Variants in ZC3H12B observed in about 807,000 individuals in gnomAD.
ZC3H12B encodes the protein zinc finger CCCH-type containing 12B, also known as probable ribonuclease ZC3H12B.
ZC3H12B carries 7 observed loss-of-function variants against 43.9 expected under a neutral mutation model. The observed-to-expected ratio is 0.16, with a 90% confidence interval of 0.09 to 0.30. The LOEUF is 0.30. Ranked by LOEUF, ZC3H12B falls within the 10% of genes least tolerant of loss-of-function variation. ZC3H12B has a pLI of 1.00. For missense variants in ZC3H12B, 475 were observed against 670.2 expected (o/e 0.71, Z 3.22); for synonymous variants, 222 against 241.7 (o/e 0.92, Z 0.76).
At chrX:65,410,316 A>C (rs974515383) in intron 3 of ZC3H12B, among the ~76,000 whole-genome samples, 1 of 111,827 alleles carries the variant, frequency 8.9e-6, no homozygotes, top group Non-Finnish European at 1.9e-5. Flanking sequence ...AGTCAAATCC[A>C]CATTGATTAA....
At chrX:65,416,191 G>A in intron 3 of ZC3H12B, among the ~76,000 whole-genome samples, 1 of 111,595 alleles carries the variant, frequency 9.0e-6, no homozygotes, top group South Asian at 3.8e-4. Context: ...TGGGAGAGGG[G>A]CAGGATTGAG....
chrX:65,059,761 A>G, the ZC3H12B span, among the ~76,000 whole-genome samples: 1 of 111,954 alleles, frequency 8.9e-6, no homozygotes, highest in Admixed American at 9.5e-5. Flanking sequence ...TTATGTGAAG[A>G]ATGTCATTGG....
chrX:65,175,167 T>C, the ZC3H12B span, among the ~76,000 whole-genome samples: 5,067 of 111,109 alleles, frequency 0.046, 284 homozygotes, highest in African/African-American at 0.15. Flanking sequence ...CCAGGTGAGG[T>C]GACACCCCAC....
chrX:65,081,862 G>A, the ZC3H12B span, among the ~76,000 whole-genome samples: 1 of 111,623 alleles, frequency 9.0e-6, no homozygotes, highest in Non-Finnish European at 1.9e-5. Context: ...TCATTCTCAA[G>A]GATAGACCAT....
At chrX:65,053,878 AT>A in the ZC3H12B span, among the ~76,000 whole-genome samples, 1 of 111,536 alleles carries the variant, frequency 9.0e-6, no homozygotes, top group Non-Finnish European at 1.9e-5. Context: ...GCATTTTTTC[AT>A]GTGTCTTTTG....
At chrX:65,212,217 T>C in the ZC3H12B span, among the ~76,000 whole-genome samples, 3 of 36,592 alleles carry the variant, frequency 8.2e-5, no homozygotes, top group Non-Finnish European at 1.1e-4. Context: ...TATAATATAT[T>C]ATATATTATA....
At chrX:65,185,025 C>T in the ZC3H12B span, 9 of 111,363 alleles carry the variant, frequency 8.1e-5, no homozygotes, top group African/African-American at 2.6e-4. Context: ...GTTTTGAAGA[C>T]CTTCAATTTT....
the ZC3H12B span, chrX:65,271,502 A>T: frequency 8.9e-6 from 1 of 112,413 alleles, no homozygotes; most frequent in Non-Finnish European, 1.9e-5. Context: ...GTTGGTTTCA[A>T]TTGTTGATCT....
chrX:65,296,230 C>T, the ZC3H12B span, among the ~76,000 whole-genome samples: 1 of 111,411 alleles, frequency 9.0e-6, no homozygotes, highest in African/African-American at 3.3e-5. Flanking sequence ...GAATTGGAGA[C>T]TCATTTTAAG....
In ZC3H12B at chrX:65,433,171, G is replaced by T. The variant is rs188408052; in HGVS notation, n.407+34467G>T. Among the ~76,000 whole-genome samples, 67 of 112,621 alleles carry T rather than the reference G, an allele frequency of 5.9e-4. 1 individual carries two copies. In the East Asian group the frequency reaches 0.018, roughly 31 times the overall value. ...ACATCTGGTACAGCAGCTTGAATTT[G>T]AGTTACCACTTGTTTTAAGTTTATA... On this transcript the variant is annotated intron_variant and non_coding_transcript_variant, in intron 3 of 5. Transcript: ENST00000617377.
At chrX:65,123,716 G>A in the ZC3H12B span, among the ~76,000 whole-genome samples, 1 of 102,463 alleles carries the variant, frequency 9.8e-6, no homozygotes. Flanking sequence ...AGATTCCTAA[G>A]TTGTTGTTGT....
the ZC3H12B span, among the ~76,000 whole-genome samples, chrX:65,181,465 G>C: frequency 9.0e-6 from 1 of 111,248 alleles, no homozygotes; most frequent in Non-Finnish European, 1.9e-5. Flanking sequence ...GAGTGAACAG[G>C]TAACCTACAG....
At chrX:65,174,707 G>T in the ZC3H12B span, among the ~76,000 whole-genome samples, 2 of 111,523 alleles carry the variant, frequency 1.8e-5, no homozygotes, top group Non-Finnish European at 3.8e-5. Context: ...CTTAGTAATG[G>T]TGGACACTTC....
the ZC3H12B span, among the ~76,000 whole-genome samples, chrX:65,192,684 C>T: frequency 9.0e-6 from 1 of 111,148 alleles, no homozygotes; most frequent in East Asian, 2.8e-4. Context: ...TTCCTCCCTC[C>T]CTAGGATAAA....
the ZC3H12B span, among the ~76,000 whole-genome samples, chrX:65,065,553 A>G: frequency 1.8e-5 from 2 of 110,825 alleles, no homozygotes; most frequent in South Asian, 3.8e-4. Context: ...AACCTGATTT[A>G]TCTCTCTCTC....
At chrX:65,488,549 C>CA, upstream of ZC3H12B, 1 of 230,301 alleles carries the variant, frequency 4.3e-6, no homozygotes, top group Non-Finnish European at 7.6e-6. Flanking sequence ...AACCAAATGC[C>CA]AAAAATCCTG....
At chrX:65,319,452 A>G in the ZC3H12B span, among the ~76,000 whole-genome samples, 1 of 111,815 alleles carries the variant, frequency 8.9e-6, no homozygotes, top group East Asian at 2.8e-4. Flanking sequence ...TATCCAGAAA[A>G]AAACACAGGC....
intron 2 of ZC3H12B, among the ~76,000 whole-genome samples, chrX:65,393,474 A>G (rs1040921208): frequency 1.8e-5 from 2 of 110,064 alleles, no homozygotes; most frequent in Non-Finnish European, 3.8e-5. Context: ...GAAAGGCCCT[A>G]GTGTGTAATG....
At chrX:65,250,695 G>A in the ZC3H12B span, among the ~76,000 whole-genome samples, 1 of 112,149 alleles carries the variant, frequency 8.9e-6, no homozygotes, top group Non-Finnish European at 1.9e-5. Context: ...CAGTGATGAT[G>A]AGCATTTTTT....
Sources: allele counts gnomAD v4.1 joint callset (sites outside exome capture counted in the v4.1 genomes callset), GRCh38; gene constraint gnomAD v4.1.1; transcripts MANE v1.5; gene names NCBI Gene and HGNC (gene_info 2026-07-23, HGNC 2026-07-21).